Variants in PTPRG observed in about 807,000 individuals in gnomAD.
PTPRG encodes the protein protein tyrosine phosphatase receptor type G, also known as receptor-type tyrosine-protein phosphatase gamma.
In PTPRG, 102 loss-of-function variants were observed where a neutral mutation model predicts 165.3. The observed-to-expected ratio is 0.62, with a 90% CI of 0.53 to 0.73. PTPRG has a LOEUF of 0.73. PTPRG is among the 30% of genes least tolerant of loss of function. PTPRG has a pLI of 0.00. For missense variants in PTPRG, 1,866 were observed against 1,861.4 expected, an observed-to-expected ratio of 1.00 and a Z score of -0.05; for synonymous variants, 675 against 669.5, an observed-to-expected ratio of 1.01 and a Z score of -0.13.
chr3:61,911,535 T>A (rs1029286826), intron 2 of PTPRG, among the ~76,000 whole-genome samples: 5 of 152,218 alleles, frequency 3.3e-5, no homozygotes, highest in Non-Finnish European at 7.3e-5. Context: ...TAAATACATA[T>A]CTTTCTGTTA....
At chr3:61,879,457 A>G (rs920408488) in intron 2 of PTPRG, among the ~76,000 whole-genome samples, 1 of 151,964 alleles carries the variant, frequency 6.6e-6, no homozygotes, top group Non-Finnish European at 1.5e-5. Context: ...ATTCCTAAAT[A>G]TTTTATTCTT....
intron 2 of PTPRG, among the ~76,000 whole-genome samples, chr3:61,861,342 C>T (rs1173856625): frequency 6.6e-6 from 1 of 152,080 alleles, no homozygotes; most frequent in East Asian, 1.9e-4. Flanking sequence ...CTTCTCAAAG[C>T]TTTTGTCAAG....
chr3:62,157,186 A>T lies in PTPRG; in HGVS notation c.802A>T (p.Ile268Leu), dbSNP rs147249332. The change falls in exon 7 of 30, where the codon ATA becomes TTA. Residue 268 changes from isoleucine (I) to leucine (L), a missense_variant. Transcript: ENST00000474889. Reference sequence around the variant, plus strand: ...ACCGTGTAGCGAAATAGTGGAGTGGATAGTCTTCCGGAGACCCGTCCCCAT... The same window carrying T: ...ACCGTGTAGCGAAATAGTGGAGTGGTTAGTCTTCCGGAGACCCGTCCCCAT... ...TPPCSEIVEW[I>L]VFRRPVPISY... The T allele has an allele frequency of 1.2e-6, 2 of 1,613,850 alleles. No individual in the cohort carries two copies. Among genetic ancestry groups the T allele is most frequent in the African/African-American group, 1.3e-5 (1 of 74,906 alleles).
intron 4 of PTPRG, among the ~76,000 whole-genome samples, chr3:62,014,561 G>A (rs2041496675): frequency 6.6e-6 from 1 of 152,122 alleles, no homozygotes; most frequent in South Asian, 2.1e-4. Flanking sequence ...CCTTCACTCT[G>A]TTCATTTCTA....
At chr3:61,797,309 T>C (rs980600059) in intron 2 of PTPRG, among the ~76,000 whole-genome samples, 1 of 152,218 alleles carries the variant, frequency 6.6e-6, no homozygotes, top group Admixed American at 6.5e-5. Flanking sequence ...TGAAAATTGT[T>C]GGATTTTTTT....
chr3:61,825,679 G>C (rs919168197), intron 2 of PTPRG, among the ~76,000 whole-genome samples: 4 of 151,540 alleles, frequency 2.6e-5, no homozygotes, highest in Non-Finnish European at 5.9e-5. Context: ...GGTTCTCGCT[G>C]TGTCACCCAG....
At chr3:62,108,674 G>C (rs763044424) in intron 5 of PTPRG, among the ~76,000 whole-genome samples, 1 of 152,262 alleles carries the variant, frequency 6.6e-6, no homozygotes, top group Middle Eastern at 3.4e-3. Context: ...GTGTAAAAGC[G>C]TTCCTATTTC....
intron 2 of PTPRG, among the ~76,000 whole-genome samples, chr3:61,987,635 A>G (rs1459703414): frequency 6.6e-6 from 1 of 152,138 alleles, no homozygotes; most frequent in Non-Finnish European, 1.5e-5. Flanking sequence ...GCATACATAC[A>G]CATATGATAT....
chr3:62,292,347 T>C, intron 28 of PTPRG, 74 bp from the exon 29 acceptor site: 1 of 1,446,172 alleles, frequency 6.9e-7, no homozygotes, highest in Non-Finnish European at 9.4e-7. Context: ...TGAAAATACA[T>C]GACAGTAATT....
At chr3:61,659,249 C>T in intron 1 of PTPRG, 1 of 924,442 alleles carries the variant, frequency 1.1e-6, no homozygotes, top group South Asian at 5.0e-5. Flanking sequence ...GTTCTCAGGG[C>T]TTCATATAGG....
At chr3:62,121,780 T>C (rs1373551941) in intron 5 of PTPRG, among the ~76,000 whole-genome samples, 1 of 152,244 alleles carries the variant, frequency 6.6e-6, no homozygotes, top group Non-Finnish European at 1.5e-5. Context: ...ATAAGTAGAC[T>C]ACATGCTCTA....
chr3:62,047,813 A>G (rs143091099), intron 4 of PTPRG, among the ~76,000 whole-genome samples: 3 of 152,270 alleles, frequency 2.0e-5, no homozygotes, highest in East Asian at 3.9e-4. Context: ...CATAAATGCA[A>G]TCAGCTTTTC....
At chr3:62,194,915 G>C in intron 9 of PTPRG, 147 bp from the exon 10 acceptor site, 2 of 701,684 alleles carry the variant, frequency 2.9e-6, no homozygotes, top group Non-Finnish European at 4.9e-6. Flanking sequence ...GGGTCCAAGC[G>C]GTCTTTCCTT....
At chr3:61,920,262 C>T (rs1320444015) in intron 2 of PTPRG, among the ~76,000 whole-genome samples, 1 of 152,220 alleles carries the variant, frequency 6.6e-6, no homozygotes, top group Non-Finnish European at 1.5e-5. Context: ...TCTGTGCCTT[C>T]TGGAGACCAT....
chr3:61,710,067 T>C (rs2031475310), intron 1 of PTPRG, among the ~76,000 whole-genome samples: 1 of 152,186 alleles, frequency 6.6e-6, no homozygotes, highest in South Asian at 2.1e-4. Flanking sequence ...TCACTCCAGT[T>C]ATTGGTAGTA....
chr3:62,232,838 AT>A (rs1057451640), intron 14 of PTPRG, among the ~76,000 whole-genome samples: 2 of 152,182 alleles, frequency 1.3e-5, no homozygotes, highest in African/African-American at 4.8e-5. Flanking sequence ...AATCCCTCTG[AT>A]TGTGAATCAT....
chr3:61,858,630 G>T (rs1356284915), intron 2 of PTPRG, among the ~76,000 whole-genome samples: 2 of 152,068 alleles, frequency 1.3e-5, no homozygotes, highest in African/African-American at 2.4e-5. Flanking sequence ...CAAGTAAATG[G>T]ATGTTTAGTC....
At chr3:61,951,716 G>A (rs1395726496) in intron 2 of PTPRG, among the ~76,000 whole-genome samples, 1 of 152,166 alleles carries the variant, frequency 6.6e-6, no homozygotes, top group Admixed American at 6.5e-5. Flanking sequence ...GACTTCTACT[G>A]TTTTACAAAG....
At chr3:61,710,749 A>G (rs554430623) in intron 1 of PTPRG, among the ~76,000 whole-genome samples, 1 of 152,240 alleles carries the variant, frequency 6.6e-6, no homozygotes, top group South Asian at 2.1e-4. Flanking sequence ...ACCCTTGTTC[A>G]TATAGTTTTC....
Sources: allele counts gnomAD v4.1 joint callset (sites outside exome capture counted in the v4.1 genomes callset), GRCh38; gene constraint gnomAD v4.1.1; transcripts MANE v1.5; gene names NCBI Gene and HGNC (gene_info 2026-07-23, HGNC 2026-07-21).